IFNAR1: variants seen among roughly 807,000 people sequenced by gnomAD.
IFNAR1 encodes interferon alpha/beta receptor 1.
In IFNAR1, 47 loss-of-function variants were observed where a neutral mutation model predicts 62.1. That is an observed-to-expected ratio of 0.76 (90% CI 0.60 to 0.97). The LOEUF (loss-of-function observed/expected upper bound fraction) is 0.97. IFNAR1 is among the 50% of genes least tolerant of loss of function. The probability of loss-of-function intolerance (pLI) is 0.00; values close to 1 mark genes in which losing one functional copy is unlikely to be tolerated. For missense variants in IFNAR1, 638 were observed against 654.5 expected (o/e 0.97, Z 0.27); for synonymous variants, 219 against 226.9 (o/e 0.97, Z 0.31).
At chr21:33,335,431 T>A (rs2083224145) in intron 1 of IFNAR1, 93 bp from the exon 2 acceptor site, 1 of 650,326 alleles carries the variant, frequency 1.5e-6, no homozygotes, top group Non-Finnish European at 2.5e-6. Context: ...TTCACTGTAT[T>A]CATTCTTTAA....
rs375511312 is a variant in IFNAR1, at chr21:33,343,222, A to G, written c.377-46A>G. On this transcript the variant is annotated intron_variant, in intron 3 of 10. Transcript: ENST00000270139. ...TTATTTGTTGAATGAAGGTTTTGGC[A>G]TTGTATTAATAAAGTTCCATAGTAA... 14 of 1,540,606 alleles carry G rather than the reference A, an allele frequency of 9.1e-6. No homozygotes were observed. In the African/African-American group the frequency reaches 9.6e-5, roughly 11 times the overall value.
At chr21:33,338,431 G>A (rs1350017321) in intron 2 of IFNAR1, among the ~76,000 whole-genome samples, 5 of 151,266 alleles carry the variant, frequency 3.3e-5, no homozygotes, top group African/African-American at 1.2e-4. Flanking sequence ...CTACTTGGGA[G>A]GCTGAGGCAG....
intron 1 of IFNAR1, among the ~76,000 whole-genome samples, chr21:33,333,156 G>T (rs1385164331): frequency 6.6e-6 from 1 of 152,232 alleles, no homozygotes; most frequent in Non-Finnish European, 1.5e-5. Flanking sequence ...GCTAACAGCA[G>T]ATTTCTTCAC....
At chr21:33,352,200 C>G (rs2083404582) in intron 8 of IFNAR1, among the ~76,000 whole-genome samples, 1 of 152,084 alleles carries the variant, frequency 6.6e-6, no homozygotes, top group Admixed American at 6.6e-5. Flanking sequence ...ATGGCAATTA[C>G]CCCAGACTTG....
rs1555874274 is a variant in IFNAR1 at position 33,333,627 on chromosome 21, T to TTC, written c.77-1896_77-1895insCT. Among the ~76,000 whole-genome samples the TTC allele has an allele frequency of 3.1e-3, 309 of 99,582 alleles. 1 individual carries two copies. The highest frequency in any genetic ancestry group is 0.012 in the African/African-American group (267 of 22,734). 65.3% of individuals were successfully genotyped at this position (99,582 alleles called of 152,430 possible). ...GACTGGCGGAATATTTTTTTTTTTC[T>TTC]TTTTTTTTTTTTTTGAGACGGAGTC... On this transcript the variant is annotated intron_variant, in intron 1 of 10. Transcript: ENST00000270139.
At chr21:33,348,994 CTATT>C in intron 6 of IFNAR1, 93 bp from the exon 7 acceptor site, 1 of 703,466 alleles carries the variant, frequency 1.4e-6, no homozygotes. Flanking sequence ...AGTGTGGATA[CTATT>C]TATTTCTGTA....
In IFNAR1 at chr21:33,338,899, C is replaced by T. The variant is rs143027774; in HGVS notation, c.201-2100C>T. On this transcript the variant is annotated intron_variant, in intron 2 of 10. Coordinates refer to ENST00000270139, the MANE Select transcript of IFNAR1 (RefSeq NM_000629.3). Reference sequence around the variant, plus strand: ...CTGGGATTACAGGCATGCACCCCCACGCCCGGCTAATTTTGTATTTTTAGT... The same window carrying T: ...CTGGGATTACAGGCATGCACCCCCATGCCCGGCTAATTTTGTATTTTTAGT... Among the ~76,000 whole-genome samples, 5 of 151,904 alleles carry T rather than the reference C, an allele frequency of 3.3e-5. 1 individual carries two copies. Among genetic ancestry groups the T allele is most frequent in the African/African-American group, 7.2e-5 (3 of 41,444 alleles).
intron 1 of IFNAR1, chr21:33,334,494 C>A: frequency 2.8e-6 from 1 of 356,226 alleles, no homozygotes; most frequent in Non-Finnish European, 5.5e-6. Flanking sequence ...CCTTCAAAAG[C>A]ATAAGGAAAT....
At chr21:33,330,361 C>G (rs1213868186) in intron 1 of IFNAR1, among the ~76,000 whole-genome samples, 2 of 152,158 alleles carry the variant, frequency 1.3e-5, no homozygotes, top group African/African-American at 2.4e-5. Context: ...TCATTTTTCT[C>G]TTTCACTTTT....
chr21:33,338,890 G>A (rs1296400626), intron 2 of IFNAR1, among the ~76,000 whole-genome samples: 1 of 151,628 alleles, frequency 6.6e-6, no homozygotes, highest in Admixed American at 6.6e-5. Context: ...TTACAGGCAT[G>A]CACCCCCACG....
intron 6 of IFNAR1, among the ~76,000 whole-genome samples, 162 bp downstream of exon 6, chr21:33,345,522 C>T (rs749153994): frequency 4.6e-5 from 7 of 152,164 alleles, no homozygotes; most frequent in Non-Finnish European, 7.4e-5. Context: ...CCAGTTCTGC[C>T]AGTAACTAAC....
rs929262805 is a variant in IFNAR1, at chr21:33,357,529, T to G, written c.*1980T>G. 10 of 138,106 alleles carry G rather than the reference T, an allele frequency of 7.2e-5. No individual in the cohort carries two copies. Among genetic ancestry groups the G allele is most frequent in the African/African-American group, 3.0e-4 (10 of 33,850 alleles). 8.6% of individuals were successfully genotyped at this position (138,106 alleles called of 1,614,324 possible). Reference sequence around the variant, plus strand: ...CATTTTCATCTTTCTGACCAGAGGCTGTTTTTTTTTTTTTTTGAGACAGTC... The same window carrying G: ...CATTTTCATCTTTCTGACCAGAGGCGGTTTTTTTTTTTTTTTGAGACAGTC... On this transcript the variant is annotated 3_prime_UTR_variant, in exon 11 of 11. Coordinates refer to ENST00000270139, the MANE Select transcript of IFNAR1 (RefSeq NM_000629.3).
In IFNAR1 at chr21:33,349,451, G is replaced by A. The variant is rs139423088; in HGVS notation, c.1051G>A (p.Gly351Ser). ...TAGTGATTCATTCCATATCTATATC[G>A]GTGCTCCAAAACAGTCTGGAAACAC... ...SLSDSFHIYI[G>S]APKQSGNTPV... Residue 351 changes from glycine to serine, a missense_variant, in exon 8 of 11, where the codon GGT (glycine) becomes AGT (serine). Transcript: ENST00000270139. The A allele has an allele frequency of 9.3e-6, 15 of 1,610,426 alleles. No homozygotes were observed. The highest frequency in any genetic ancestry group is 3.3e-5 in the South Asian group (3 of 90,944).
chr21:33,333,612 A>ATTTTTTTTTTTTTTTTTTTT (rs1248949817), intron 1 of IFNAR1, among the ~76,000 whole-genome samples: 1 of 112,166 alleles, frequency 8.9e-6, no homozygotes, highest in African/African-American at 3.6e-5. Flanking sequence ...GACTGGCGGA[A>ATTTTTTTTTTTTTTTTTTTT]TATTTTTTTT....
Position 33,343,515 on chromosome 21 carries a change from A to G in IFNAR1, c.532-20A>G. 1.3e-6 allele frequency: 2 copies of G among 1,534,210 alleles called. No homozygotes were observed. The highest frequency in any genetic ancestry group is 1.2e-5 in the South Asian group (1 of 86,896). On this transcript the variant is annotated intron_variant, in intron 4 of 10. Coordinates refer to ENST00000270139, the MANE Select transcript of IFNAR1 (RefSeq NM_000629.3). ...TGACTTTATACTTTTTTAAAGAACC[A>G]ACTTATATTTGTGTTATAGGAAAGG...
Position 33,325,091 on chromosome 21 carries a change from G to C in IFNAR1, c.36G>C (p.Val12=), listed in dbSNP as rs752922286. ...MVVLLGATTL[V]LVAVAPWVLS... is the part of the protein sequence containing the mutation. Reference sequence around the variant, plus strand: ...TCCTCCTGGGCGCGACGACCCTAGTGCTCGTCGCCGTGGCGCCATGGGTGT... The same window carrying C: ...TCCTCCTGGGCGCGACGACCCTAGTCCTCGTCGCCGTGGCGCCATGGGTGT... The change falls in exon 1 of 11, where the codon GTG becomes GTC. Residue 12 remains valine (V), a synonymous_variant. Transcript: ENST00000270139. The C allele has an allele frequency of 1.9e-6, 3 of 1,611,104 alleles. No homozygotes were observed. In the East Asian group the frequency reaches 6.7e-5, roughly 36 times the overall value.
chr21:33,349,592 A>G (rs1266004032), intron 8 of IFNAR1, 49 bp downstream of exon 8: 3 of 1,333,592 alleles, frequency 2.2e-6, no homozygotes, highest in Non-Finnish European at 3.1e-6. Flanking sequence ...TATAATTATG[A>G]TTTGGGTAAA....
rs78954341 is a variant in IFNAR1 at position 33,344,365 on chromosome 21, G to C, written c.673+689G>C. 4.9e-3 allele frequency among the ~76,000 whole-genome samples: 751 copies of C among 152,116 alleles called. 10 individuals are homozygous for C. The highest frequency in any genetic ancestry group is 0.017 in the African/African-American group (715 of 41,508). On this transcript the variant is annotated intron_variant, in intron 5 of 10. Coordinates refer to ENST00000270139, the MANE Select transcript of IFNAR1 (RefSeq NM_000629.3). ...ATATGAAAGTATCCTGATACATTTAGTAACATCTTTCCAATAATTAAGGTC... is the reference window on the plus strand; with the variant it reads ...ATATGAAAGTATCCTGATACATTTACTAACATCTTTCCAATAATTAAGGTC...
At chr21:33,325,206 C>T in intron 1 of IFNAR1, 75 bp downstream of exon 1, 2 of 1,282,780 alleles carry the variant, frequency 1.6e-6, no homozygotes, top group Non-Finnish European at 2.2e-6. Flanking sequence ...GGCGGCGATG[C>T]TGTTGGGGGC....
Sources: allele counts gnomAD v4.1 joint callset (sites outside exome capture counted in the v4.1 genomes callset), GRCh38; gene constraint gnomAD v4.1.1; transcripts MANE v1.5; gene names NCBI Gene and HGNC (gene_info 2026-07-23, HGNC 2026-07-21).